Variants in FAM227B observed in about 807,000 individuals in gnomAD.
FAM227B encodes protein FAM227B.
Under a neutral mutation model 73.8 loss-of-function variants are expected in FAM227B, and 88 were observed. The observed-to-expected ratio is 1.19, with a 90% CI of 1.00 to 1.42. The LOEUF (loss-of-function observed/expected upper bound fraction) is 1.42, where lower values mean the gene tolerates loss of function less well. Ranked by LOEUF, FAM227B falls within the 40% of genes most tolerant of loss-of-function variation. FAM227B has a pLI of 0.00. For missense variants in FAM227B, 632 were observed against 590.9 expected, an observed-to-expected ratio of 1.07 and a Z score of -0.72; for synonymous variants, 210 against 190.5, an observed-to-expected ratio of 1.10 and a Z score of -0.84.
At chr15:49,472,896 T>A (rs754402763) in intron 11 of FAM227B, among the ~76,000 whole-genome samples, 1 of 143,556 alleles carries the variant, frequency 7.0e-6, no homozygotes, top group African/African-American at 2.4e-5. Context: ...GAAAGGAGTA[T>A]CTAATTTTTT....
intron 13 of FAM227B, among the ~76,000 whole-genome samples, chr15:49,361,965 G>A (rs964336842): frequency 2.0e-5 from 3 of 152,068 alleles, no homozygotes; most frequent in Non-Finnish European, 2.9e-5. Context: ...GTATCTCATC[G>A]TGGCTTTGAT....
chr15:49,584,386 T>C (rs1019866929), intron 5 of FAM227B, among the ~76,000 whole-genome samples: 10 of 152,180 alleles, frequency 6.6e-5, no homozygotes, highest in Admixed American at 5.9e-4. Flanking sequence ...CAGCCAACTA[T>C]GACAAACTTA....
At chr15:49,581,859 CCACA>C (rs1439686328) in intron 5 of FAM227B, among the ~76,000 whole-genome samples, 1 of 152,050 alleles carries the variant, frequency 6.6e-6, no homozygotes. Flanking sequence ...TAAAAAGTAC[CCACA>C]CAATCAAGTC....
At chr15:49,615,496 T>C (rs1220030165) in intron 1 of FAM227B, among the ~76,000 whole-genome samples, 1 of 152,172 alleles carries the variant, frequency 6.6e-6, no homozygotes, top group Admixed American at 6.5e-5. Flanking sequence ...GATAGACTTC[T>C]CATGAGATCT....
At chr15:49,518,037 C>T (rs1210666850) in intron 10 of FAM227B, among the ~76,000 whole-genome samples, 2 of 152,124 alleles carry the variant, frequency 1.3e-5, no homozygotes, top group African/African-American at 4.8e-5. Context: ...CTTCATATTA[C>T]TGATGGGCAT....
At chr15:49,456,435 A>T (rs2053296922) in intron 11 of FAM227B, among the ~76,000 whole-genome samples, 1 of 152,138 alleles carries the variant, frequency 6.6e-6, no homozygotes, top group African/African-American at 2.4e-5. Flanking sequence ...TGTAAAATGT[A>T]ATGCTATGTG....
chr15:49,425,813 A>T (rs2050078178), intron 11 of FAM227B, among the ~76,000 whole-genome samples: 1 of 151,656 alleles, frequency 6.6e-6, no homozygotes, highest in Non-Finnish European at 1.5e-5. Flanking sequence ...TATTATTATT[A>T]TTTATTATTA....
chr15:49,455,694 AT>A, intron 11 of FAM227B, among the ~76,000 whole-genome samples: 1 of 152,306 alleles, frequency 6.6e-6, no homozygotes, highest in South Asian at 2.1e-4. Context: ...TAAATAAGTG[AT>A]TTTGGTGTTT....
intron 3 of FAM227B, among the ~76,000 whole-genome samples, chr15:49,608,220 A>G (rs1419001040): frequency 6.6e-6 from 1 of 152,180 alleles, no homozygotes; most frequent in Non-Finnish European, 1.5e-5. Flanking sequence ...GTCCTTAGTG[A>G]TAAGTAAGAA....
At chr15:49,608,889 A>T (rs534260335) in intron 3 of FAM227B, among the ~76,000 whole-genome samples, 1 of 152,026 alleles carries the variant, frequency 6.6e-6, no homozygotes, top group Non-Finnish European at 1.5e-5. Flanking sequence ...TCAAAAGTAT[A>T]ATATATAAAT....
At chr15:49,421,003 G>T (rs2151731353) in intron 11 of FAM227B, among the ~76,000 whole-genome samples, 1 of 152,242 alleles carries the variant, frequency 6.6e-6, no homozygotes, top group South Asian at 2.1e-4. Flanking sequence ...ACCATGCTGG[G>T]CCAGTTAATT....
At chr15:49,593,133 T>TG (rs1252642148) in intron 3 of FAM227B, among the ~76,000 whole-genome samples, 2 of 152,178 alleles carry the variant, frequency 1.3e-5, no homozygotes, top group African/African-American at 4.8e-5. Context: ...CCTGACCCCT[T>TG]GCGCTTCCTG....
Position 49,484,490 on chromosome 15 carries a change from A to G in FAM227B, c.1012+23721T>C, listed in dbSNP as rs746870126. On this transcript the variant is annotated intron_variant, in intron 11 of 15. Coordinates refer to ENST00000299338, the MANE Select transcript of FAM227B (RefSeq NM_152647.3). ...ACAAAAAACAGCCCACTTTCTTCCT[A>G]TGGCAATAACTTAATTGCATATGGT... 3 of 1,547,174 alleles carry G rather than the reference A, an allele frequency of 1.9e-6. No individual in the cohort carries two copies. The South Asian group carries it at 3.5e-5, about 18-fold the overall frequency.
rs192770623 is a variant in FAM227B at position 49,470,101 on chromosome 15, C to T, written c.1012+38110G>A. On this transcript the variant is annotated intron_variant, in intron 11 of 15. Coordinates refer to ENST00000299338, the MANE Select transcript of FAM227B (RefSeq NM_152647.3). ...AAAATGGGACATTCTAATGTTGCTCCATCTTTTGAAGACCACGGTATTATG... is the reference window on the plus strand; with the variant it reads ...AAAATGGGACATTCTAATGTTGCTCTATCTTTTGAAGACCACGGTATTATG... Among the ~76,000 whole-genome samples, 244 of 152,118 alleles carry T rather than the reference C, an allele frequency of 1.6e-3. 2 individuals carry two copies. Among genetic ancestry groups the T allele is most frequent in the African/African-American group, 5.7e-3 (238 of 41,524 alleles).
chr15:49,436,785 C>T lies in FAM227B; in HGVS notation c.1013-65386G>A, dbSNP rs2051145812. ...ACAGCTTTAGTATCATCACATGTAT[C>T]ACTATACTGTCACTGGTGTTATTAA... On this transcript the variant is annotated intron_variant, in intron 11 of 15. Transcript: ENST00000299338. 2.0e-5 allele frequency among the ~76,000 whole-genome samples: 3 copies of T among 151,520 alleles called. 1 individual carries two copies. In the South Asian group the frequency reaches 6.2e-4, roughly 31 times the overall value.
intron 13 of FAM227B, among the ~76,000 whole-genome samples, chr15:49,360,293 T>C (rs1433099174): frequency 1.3e-5 from 2 of 152,100 alleles, no homozygotes; most frequent in East Asian, 1.9e-4. Context: ...CATGTGTTTA[T>C]AGTAACATTG....
intron 11 of FAM227B, among the ~76,000 whole-genome samples, chr15:49,469,992 T>A (rs2054591531): frequency 6.6e-6 from 1 of 152,172 alleles, no homozygotes; most frequent in Non-Finnish European, 1.5e-5. Context: ...CATTAGAGGA[T>A]GGCATTAAAT....
intron 11 of FAM227B, chr15:49,422,724 T>C (rs767593836): frequency 7.8e-7 from 1 of 1,280,018 alleles, no homozygotes; most frequent in South Asian, 1.3e-5. Flanking sequence ...CCTAGGAATA[T>C]AATACATAAA....
In FAM227B at chr15:49,531,677, C is replaced by T. The variant is rs190752475; in HGVS notation, c.874+10003G>A. ...CATTGTGCATTACTCCCATCATCTT[C>T]CCTGTCTTTAGACTGTGGGTTTAGT... is the stretch of plus-strand genomic sequence containing the variant. On this transcript the variant is annotated intron_variant, in intron 10 of 15. Transcript: ENST00000299338. Among the ~76,000 whole-genome samples, 1,069 of 152,076 alleles carry T rather than the reference C, an allele frequency of 7.0e-3. 4 individuals are homozygous for T. The highest frequency in any genetic ancestry group is 0.012 in the Non-Finnish European group (845 of 67,934).
Sources: gnomAD v4.1 joint callset for allele counts (sites outside exome capture counted in the v4.1 genomes callset) on GRCh38, gnomAD v4.1.1 for gene constraint, MANE v1.5 for transcripts, NCBI Gene and HGNC (gene_info 2026-07-23, HGNC 2026-07-21) for gene names.